RRP12: variants seen among roughly 807,000 people sequenced by gnomAD.
RRP12 encodes the protein RRP12-like protein.
RRP12 carries 78 observed loss-of-function variants against 157.3 expected under a neutral mutation model. That is an observed-to-expected ratio of 0.50 (90% confidence interval 0.41 to 0.60). RRP12 has a LOEUF of 0.60. RRP12 is among the 20% of genes least tolerant of loss of function. The probability of loss-of-function intolerance (pLI) is 0.00; values close to 1 mark genes in which losing one functional copy is unlikely to be tolerated. For missense variants in RRP12, 1,521 were observed against 1,679.9 expected (o/e 0.91, Z 1.65); for synonymous variants, 726 against 670.9 (o/e 1.08, Z -1.27).
chr10:97,400,256 AGTT>A (rs768670669), intron 2 of RRP12, 46 bp downstream of exon 2: 1 of 1,373,974 alleles, frequency 7.3e-7, no homozygotes. Context: ...AAAAGGCATG[AGTT>A]GGCCTCTCCT....
intron 12 of RRP12, 90 bp from the exon 13 acceptor site, chr10:97,381,003 G>C (rs1844452740): frequency 3.9e-6 from 4 of 1,023,784 alleles, no homozygotes; most frequent in Non-Finnish European, 6.0e-6. Flanking sequence ...CTGAGCTACA[G>C]ACGCTAGCTG....
intron 10 of RRP12, among the ~76,000 whole-genome samples, chr10:97,383,238 TG>T (rs1160432258): frequency 3.3e-5 from 5 of 151,974 alleles, no homozygotes; most frequent in African/African-American, 7.3e-5. Flanking sequence ...GCATGAGAAG[TG>T]GTGAATGGGG....
chr10:97,372,189 G>A (rs765081860), intron 19 of RRP12, 23 bp from the exon 20 acceptor site: 66 of 1,595,968 alleles, frequency 4.1e-5, no homozygotes, highest in Non-Finnish European at 5.5e-5. Flanking sequence ...GGAGGACAAG[G>A]AGAGGGATGG....
intron 10 of RRP12, 78 bp from the exon 11 acceptor site, chr10:97,381,904 G>C (rs986739581): frequency 1.0e-6 from 1 of 992,102 alleles, no homozygotes; most frequent in African/African-American, 1.6e-5. Flanking sequence ...GGCTGAGACG[G>C]CCCAGCTCTG....
intron 25 of RRP12, chr10:97,367,341 G>A: frequency 1.7e-6 from 1 of 594,036 alleles, no homozygotes; most frequent in East Asian, 2.8e-5. Context: ...CAGGACACAG[G>A]CCTGAGCACC....
At chr10:97,387,473 A>G (rs1173455489) in intron 8 of RRP12, among the ~76,000 whole-genome samples, 2 of 151,728 alleles carry the variant, frequency 1.3e-5, no homozygotes, top group Admixed American at 1.3e-4. Flanking sequence ...ATCTGGGATT[A>G]TAGGCGCGTG....
At chr10:97,360,141 C>T (rs1035519621) in intron 31 of RRP12, among the ~76,000 whole-genome samples, 1 of 152,248 alleles carries the variant, frequency 6.6e-6, no homozygotes, top group East Asian at 1.9e-4. Flanking sequence ...CCAATACCAA[C>T]CTTCCCAGTT....
chr10:97,373,914 C>T lies in RRP12; in HGVS notation c.1799-20G>A. On this transcript the variant is annotated intron_variant, in intron 15 of 33. Transcript: ENST00000370992. ...CCATGGCTGCAGTGTGACAGAGGGACAGAGTGTGAGCCCAGCACCCTCCTG... is the reference window on the plus strand; with the variant it reads ...CCATGGCTGCAGTGTGACAGAGGGATAGAGTGTGAGCCCAGCACCCTCCTG... The T allele has an allele frequency of 6.2e-7, 1 of 1,610,180 alleles. No individual in the cohort carries two copies. The highest frequency in any genetic ancestry group is 8.5e-7 in the Non-Finnish European group (1 of 1,178,650).
At chr10:97,361,861 C>T (rs1843850135) in intron 30 of RRP12, among the ~76,000 whole-genome samples, 1 of 152,158 alleles carries the variant, frequency 6.6e-6, no homozygotes, top group South Asian at 2.1e-4. Context: ...GTAATCCTGG[C>T]ACTTTGGGAG....
At chr10:97,390,633 T>C in intron 5 of RRP12, 94 bp from the exon 6 acceptor site, 1 of 1,346,752 alleles carries the variant, frequency 7.4e-7, no homozygotes, top group Non-Finnish European at 1.1e-6. Context: ...CGCATCTGTC[T>C]GAGGTCCCCA....
chr10:97,388,354 C>G lies in RRP12; in HGVS notation c.915G>C (p.Leu305=). ...GGTCCTTCAGCAGCGTCAGCATGTG[C>G]AGCGTGGTGGTGGCCTCCTTGGAGC... The part of the protein sequence containing the change: ...SGGSKEATTT[L]HMLTLLKDLL... Residue 305 remains leucine (L), a synonymous_variant, in exon 8 of 34, where the codon CTG becomes CTC. Transcript: ENST00000370992. The G allele has an allele frequency of 6.2e-7, 1 of 1,613,912 alleles. No individual in the cohort carries two copies. Among genetic ancestry groups the G allele is most frequent in the Non-Finnish European group, 8.5e-7 (1 of 1,180,008 alleles).
At chr10:97,380,994 T>A (rs562440187) in intron 12 of RRP12, 81 bp from the exon 13 acceptor site, 1 of 1,128,392 alleles carries the variant, frequency 8.9e-7, no homozygotes, top group Non-Finnish European at 1.3e-6. Context: ...GCCAGCACCC[T>A]GAGCTACAGA....
chr10:97,370,336 C>T, intron 23 of RRP12, 62 bp from the exon 24 acceptor site: 1 of 1,414,074 alleles, frequency 7.1e-7, no homozygotes, highest in Non-Finnish European at 9.8e-7. Context: ...GGGCTGAGGG[C>T]CAGAGAGGAG....
intron 2 of RRP12, among the ~76,000 whole-genome samples, chr10:97,397,113 A>G (rs908684739): frequency 6.6e-6 from 1 of 151,864 alleles, no homozygotes; most frequent in Non-Finnish European, 1.5e-5. Flanking sequence ...ACCTAACACA[A>G]TGTAAATGCT....
chr10:97,388,408 C>G, intron 7 of RRP12, 29 bp from the exon 8 acceptor site: 1 of 1,612,980 alleles, frequency 6.2e-7, no homozygotes, highest in Admixed American at 1.7e-5. Flanking sequence ...ATTGAGACAC[C>G]AGCCCCGCCC....
rs754943164 is a variant in RRP12, at chr10:97,399,228, G to A, written c.369+1077C>T. 4.6e-5 allele frequency among the ~76,000 whole-genome samples: 7 copies of A among 152,300 alleles called. No individual in the cohort carries two copies. In the South Asian group the frequency reaches 1.2e-3, roughly 27 times the overall value. Reference sequence around the variant, plus strand: ...GCGGAGGTTGCAGTGAGCCGAGATCGTGCCATTGCACTCTAGCCTGGACAA... The same window carrying A: ...GCGGAGGTTGCAGTGAGCCGAGATCATGCCATTGCACTCTAGCCTGGACAA... On this transcript the variant is annotated intron_variant, in intron 2 of 33. Transcript: ENST00000370992.
intron 30 of RRP12, among the ~76,000 whole-genome samples, chr10:97,361,638 G>T (rs1843844230): frequency 6.6e-6 from 1 of 152,212 alleles, no homozygotes; most frequent in Non-Finnish European, 1.5e-5. Context: ...AGCTGAGTGG[G>T]CTCCTAGTGG....
intron 15 of RRP12, 41 bp from the exon 16 acceptor site, chr10:97,373,935 T>A (rs1564755674): frequency 6.3e-7 from 1 of 1,584,944 alleles, no homozygotes; most frequent in Non-Finnish European, 8.6e-7. Context: ...CCCAGCACCC[T>A]CCTGGCCAAC....
At chr10:97,379,164 G>T in intron 15 of RRP12, 129 bp downstream of exon 15, 2 of 1,124,324 alleles carry the variant, frequency 1.8e-6, no homozygotes, top group Non-Finnish European at 2.6e-6. Context: ...CCACCTGCTC[G>T]GCAGAGGGAT....
Sources: allele counts gnomAD v4.1 joint callset (sites outside exome capture counted in the v4.1 genomes callset), GRCh38; gene constraint gnomAD v4.1.1; transcripts MANE v1.5; gene names NCBI Gene and HGNC (gene_info 2026-07-23, HGNC 2026-07-21).